The following CDH23 variants were observed in gnomAD, a reference collection of about 807,000 sequenced individuals.
The protein encoded by CDH23 is cadherin related 23, also known as cadherin-23.
Under a neutral mutation model 317.1 loss-of-function variants are expected in CDH23, and 189 were observed. That is an observed-to-expected ratio of 0.60 (90% CI 0.53 to 0.67). CDH23 has a LOEUF of 0.67. CDH23 is among the 30% of genes least tolerant of loss of function. CDH23 has a pLI of 0.00. For synonymous variants in CDH23, 1,839 were observed against 1,876.8 expected (o/e 0.98, Z 0.52); for missense variants, 4,401 against 4,592.4 (o/e 0.96, Z 1.20).
intron 48 of CDH23, among the ~76,000 whole-genome samples, chr10:71,794,908 T>TGGGA (rs1841359417): frequency 6.6e-6 from 1 of 152,188 alleles, no homozygotes; most frequent in Non-Finnish European, 1.5e-5. Flanking sequence ...TATCCATTTC[T>TGGGA]GGGAGACTGA....
At chr10:71,431,064 A>G (rs908462213) in intron 1 of CDH23, among the ~76,000 whole-genome samples, 1 of 152,188 alleles carries the variant, frequency 6.6e-6, no homozygotes, top group African/African-American at 2.4e-5. Flanking sequence ...TGAGACCTTG[A>G]GCGTTGCCTC....
intron 38 of CDH23, among the ~76,000 whole-genome samples, chr10:71,772,011 C>T (rs1840696587): frequency 2.6e-5 from 4 of 152,218 alleles, no homozygotes. Context: ...GCCTGCCTGC[C>T]ACCATCCTCT....
At position 71,805,919 on chromosome 10, in the gene CDH23, G is replaced by A. The variant is rs1281567803; in HGVS notation, c.7986G>A (p.Glu2662=). The A allele has an allele frequency of 1.2e-6, 2 of 1,612,334 alleles. No individual in the cohort carries two copies. The highest frequency in any genetic ancestry group is 1.7e-6 in the Non-Finnish European group (2 of 1,179,022). Residue 2662 remains glutamate, a synonymous_variant, in exon 56 of 70, where the codon GAG becomes GAA. Transcript: ENST00000224721. The part of the protein sequence containing the change: ...FLKTAGNRDW[E]FFIIDPISGL... ...AGACTGCGGGCAACCGGGACTGGGAGTTCTTCATCATCGACCCAATCAGCG... is the reference window on the plus strand; with the variant it reads ...AGACTGCGGGCAACCGGGACTGGGAATTCTTCATCATCGACCCAATCAGCG...
intron 28 of CDH23, among the ~76,000 whole-genome samples, chr10:71,720,728 A>C (rs1165548903): frequency 6.6e-6 from 1 of 152,194 alleles, no homozygotes; most frequent in Admixed American, 6.5e-5. Context: ...GAGATTTCCT[A>C]TGGACTGTTA....
chr10:71,539,068 A>T (rs1855853478), intron 6 of CDH23, among the ~76,000 whole-genome samples: 1 of 152,212 alleles, frequency 6.6e-6, no homozygotes, highest in Admixed American at 6.5e-5. Context: ...CAGTCCAGAC[A>T]TGAATCCTCC....
intron 3 of CDH23, among the ~76,000 whole-genome samples, chr10:71,468,033 G>T (rs1851336961): frequency 6.6e-6 from 1 of 152,146 alleles, no homozygotes; most frequent in African/African-American, 2.4e-5. Context: ...TCTTAGAGAG[G>T]AATTGCGGGC....
At chr10:71,648,934 G>A (rs890655096) in intron 14 of CDH23, among the ~76,000 whole-genome samples, 5 of 152,336 alleles carry the variant, frequency 3.3e-5, no homozygotes, top group Admixed American at 3.3e-4. Context: ...TGTGCCTAAA[G>A]GAGTTCAGGC....
In CDH23 at chr10:71,692,488, G is replaced by A. The variant is rs192920275; in HGVS notation, c.2177-1659G>A. On this transcript the variant is annotated intron_variant, in intron 20 of 69. Transcript: ENST00000224721. ...GACAGGAGAGGCCATCTATCATGCC[G>A]ACAAGTTCACGTTTAAAACTTTTTA... Among the ~76,000 whole-genome samples the A allele has an allele frequency of 6.4e-4, 98 of 152,330 alleles. 1 individual carries two copies. The highest frequency in any genetic ancestry group is 6.8e-3 in the Middle Eastern group (2 of 294).
intron 38 of CDH23, among the ~76,000 whole-genome samples, chr10:71,767,628 G>C (rs1042282264): frequency 2.0e-5 from 3 of 152,242 alleles, no homozygotes; most frequent in Admixed American, 2.0e-4. Flanking sequence ...GGGAAACAGA[G>C]GCATGGATCA....
In CDH23 at chr10:71,741,927, C is replaced by T. The variant is rs1234104078; in HGVS notation, c.4845+6C>T. 5.7e-6 allele frequency: 9 copies of T among 1,576,746 alleles called. No individual in the cohort carries two copies. Among genetic ancestry groups the T allele is most frequent in the Non-Finnish European group, 7.8e-6 (9 of 1,160,234 alleles). Reference sequence around the variant, plus strand: ...AGGGCACCCCAACCCTGTCGGTGAGCGATGGGGGTGGCCACAGGGAGGAGC... The same window carrying T: ...AGGGCACCCCAACCCTGTCGGTGAGTGATGGGGGTGGCCACAGGGAGGAGC... On this transcript the variant is annotated splice_donor_region_variant and intron_variant, in intron 38 of 69. Coordinates refer to ENST00000224721, the MANE Select transcript of CDH23 (RefSeq NM_022124.6).
At chr10:71,658,136 C>T (rs975534264) in intron 14 of CDH23, among the ~76,000 whole-genome samples, 12 of 152,300 alleles carry the variant, frequency 7.9e-5, no homozygotes, top group South Asian at 6.2e-4. Flanking sequence ...TTGACGGGTC[C>T]GGAGTTCCTC....
Position 71,777,806 on chromosome 10 carries a change from C to A in CDH23, c.4972C>A (p.Gln1658Lys). The A allele has an allele frequency of 6.2e-7, 1 of 1,613,978 alleles. No homozygotes were observed. The highest frequency in any genetic ancestry group is 8.5e-7 in the Non-Finnish European group (1 of 1,179,872). ...GCTCAACACCAGCCTCATCACCATC[C>A]AGGCACTGGACCTGGATGAGGGTCC... ...DTLNTSLITI[Q>K]ALDLDEGPNG... The change falls in exon 39 of 70, where the codon CAG becomes AAG. Residue 1658 changes from glutamine (Q) to lysine (K), a missense_variant. Physicochemically the swap from Gln to Lys is moderately conservative, Grantham distance 53. Coordinates refer to ENST00000224721, the MANE Select transcript of CDH23 (RefSeq NM_022124.6).
At chr10:71,709,001 C>A in intron 26 of CDH23, 97 bp from the exon 27 acceptor site, 2 of 1,081,846 alleles carry the variant, frequency 1.8e-6, no homozygotes, top group Non-Finnish European at 2.8e-6. Flanking sequence ...CACTCCTGGA[C>A]TCACCATCGC....
intron 29 of CDH23, among the ~76,000 whole-genome samples, chr10:71,724,957 A>G (rs574050521): frequency 6.6e-6 from 1 of 152,342 alleles, no homozygotes; most frequent in East Asian, 1.9e-4. Flanking sequence ...TAAATCCTGG[A>G]TTCAACCACC....
rs538921282 is a variant in CDH23 at position 71,405,242 on chromosome 10, A to G, written c.-6+7924A>G. 1.7e-3 allele frequency among the ~76,000 whole-genome samples: 254 copies of G among 152,064 alleles called. 1 individual carries two copies. The highest frequency in any genetic ancestry group is 2.9e-3 in the Non-Finnish European group (195 of 67,966). ...GGACTTTATTCTCCTCCAGCACCCCATGTTCCTTCTCCTGCTCCGAACTGC... is the reference window on the plus strand; with the variant it reads ...GGACTTTATTCTCCTCCAGCACCCCGTGTTCCTTCTCCTGCTCCGAACTGC... On this transcript the variant is annotated intron_variant, in intron 1 of 69. Coordinates refer to ENST00000224721, the MANE Select transcript of CDH23 (RefSeq NM_022124.6).
intron 69 of CDH23, 44 bp downstream of exon 69, chr10:71,813,392 TG>T: frequency 1.4e-6 from 2 of 1,471,054 alleles, no homozygotes; most frequent in Non-Finnish European, 9.3e-7. Context: ...TGCCCCAGCC[TG>T]GGGATGCTCT....
rs543111982 is a variant in CDH23 at position 71,492,359 on chromosome 10, CT to C, written c.146-17722del. On this transcript the variant is annotated intron_variant, in intron 3 of 69. Transcript: ENST00000224721. ...ACTAATTCCAATGGAAAGAGGACAT[CT>C]GAGGACTCTAGGAGTTTTCCCTCTG... Among the ~76,000 whole-genome samples, 10 of 152,308 alleles carry C rather than the reference CT, an allele frequency of 6.6e-5. No individual in the cohort carries two copies. In the South Asian group the frequency reaches 2.1e-3, roughly 32 times the overall value.
intron 57 of CDH23, 75 bp from the exon 58 acceptor site, chr10:71,807,202 C>T: frequency 6.4e-7 from 1 of 1,566,766 alleles, no homozygotes; most frequent in South Asian, 1.2e-5. Context: ...AGTCACTGCC[C>T]AGGGCCCTGA....
At chr10:71,431,579 T>C (rs2394795) in intron 1 of CDH23, among the ~76,000 whole-genome samples, 77,371 of 152,112 alleles carry the variant, frequency 0.51, 20,258 homozygotes, top group Non-Finnish European at 0.56. Flanking sequence ...CAAATTGTAT[T>C]TGATTTCTGC....
Sources: gnomAD v4.1 joint callset for allele counts (sites outside exome capture counted in the v4.1 genomes callset) on GRCh38, gnomAD v4.1.1 for gene constraint, MANE v1.5 for transcripts, NCBI Gene and HGNC (gene_info 2026-07-23, HGNC 2026-07-21) for gene names.